The following KCNQ3 variants were observed in gnomAD, a reference collection of about 807,000 sequenced individuals.
KCNQ3 encodes potassium voltage-gated channel subfamily KQT member 3.
A neutral mutation model predicts 92.5 loss-of-function variants in KCNQ3; 30 were observed. That is an observed-to-expected ratio of 0.32 (90% CI 0.24 to 0.44). The LOEUF is 0.44. KCNQ3 is among the 20% of genes least tolerant of loss of function. The pLI is 1.00. For synonymous variants in KCNQ3, 450 were observed against 468.8 expected (o/e 0.96, Z 0.52); for missense variants, 913 against 1,140.3 (o/e 0.80, Z 2.87).
intron 1 of KCNQ3, among the ~76,000 whole-genome samples, chr8:132,289,680 G>A (rs1816786027): frequency 6.6e-6 from 1 of 152,130 alleles, no homozygotes; most frequent in South Asian, 2.1e-4. Flanking sequence ...TAAAGACATG[G>A]ATTTTGTTTG....
chr8:132,321,440 CA>C (rs1454149478), intron 1 of KCNQ3: 2 of 152,674 alleles, frequency 1.3e-5, no homozygotes, highest in Non-Finnish European at 2.9e-5. Context: ...ACACGGAATA[CA>C]TACCTGAAAC....
chr8:132,236,141 G>A (rs1172288477), intron 1 of KCNQ3, among the ~76,000 whole-genome samples: 2 of 152,184 alleles, frequency 1.3e-5, no homozygotes, highest in Non-Finnish European at 2.9e-5. Flanking sequence ...AGAGTGGAGA[G>A]CTATCTATTC....
chr8:132,174,901 C>A (rs975524815), intron 5 of KCNQ3, among the ~76,000 whole-genome samples: 10 of 152,222 alleles, frequency 6.6e-5, no homozygotes, highest in African/African-American at 2.4e-4. Flanking sequence ...AGGTTAGCCA[C>A]TTACTGGCTG....
chr8:132,140,242 T>C, intron 10 of KCNQ3, 64 bp from the exon 11 acceptor site: 1 of 1,200,934 alleles, frequency 8.3e-7, no homozygotes, highest in Non-Finnish European at 1.2e-6. Flanking sequence ...GGGACCCCAC[T>C]GTTCGGTCAA....
chr8:132,443,372 A>G (rs1256383818), intron 1 of KCNQ3, among the ~76,000 whole-genome samples: 1 of 131,018 alleles, frequency 7.6e-6, no homozygotes, highest in Non-Finnish European at 1.7e-5. Context: ...AAGTACAGAA[A>G]ATTGCTTCTT....
intron 1 of KCNQ3, among the ~76,000 whole-genome samples, chr8:132,296,238 C>G (rs16904651): frequency 6.6e-6 from 1 of 152,070 alleles, no homozygotes; most frequent in African/African-American, 2.4e-5. Flanking sequence ...TGCCTTAGGG[C>G]GGCTTTTCAG....
intron 9 of KCNQ3, among the ~76,000 whole-genome samples, chr8:132,158,118 T>C (rs1486945217): frequency 6.6e-6 from 1 of 152,188 alleles, no homozygotes; most frequent in Admixed American, 6.5e-5. Flanking sequence ...TCTGCATCTG[T>C]TACTCTGCAG....
intron 1 of KCNQ3, among the ~76,000 whole-genome samples, chr8:132,396,817 G>A (rs575359040): frequency 1.1e-4 from 17 of 152,256 alleles, no homozygotes; most frequent in East Asian, 3.9e-4. Context: ...AGCAGAGAAC[G>A]TTCTTAGAAG....
intron 1 of KCNQ3, among the ~76,000 whole-genome samples, chr8:132,311,058 T>A (rs1817579430): frequency 6.6e-6 from 1 of 151,722 alleles, no homozygotes; most frequent in Non-Finnish European, 1.5e-5. Flanking sequence ...TGTCACAGCC[T>A]CCCCAGTAGC....
At chr8:132,329,853 C>G (rs888897398) in intron 1 of KCNQ3, among the ~76,000 whole-genome samples, 4 of 152,158 alleles carry the variant, frequency 2.6e-5, no homozygotes, top group African/African-American at 9.7e-5. Flanking sequence ...GCAAGGTGTG[C>G]CCTCGCAACT....
chr8:132,136,837 T>C (rs1477015702), intron 12 of KCNQ3, among the ~76,000 whole-genome samples: 1 of 151,534 alleles, frequency 6.6e-6, no homozygotes, highest in African/African-American at 2.4e-5. Context: ...ATACTTTTTC[T>C]AAATATTATT....
chr8:132,282,936 C>CGA (rs570816005), intron 1 of KCNQ3, among the ~76,000 whole-genome samples: 3 of 151,884 alleles, frequency 2.0e-5, no homozygotes, highest in Non-Finnish European at 4.4e-5. Flanking sequence ...AGCCAGGATA[C>CGA]GAGAGAGTGA....
rs114970025 is a variant in KCNQ3 at position 132,371,855 on chromosome 8, C to G, written c.386+108292G>C. On this transcript the variant is annotated intron_variant, in intron 1 of 14. Coordinates refer to ENST00000388996, the MANE Select transcript of KCNQ3 (RefSeq NM_004519.4). The stretch of plus-strand genomic sequence containing the variant: ...TGTTTCTTCAATCTCCCTCCGCACA[C>G]AGCAAACACATTATGCCACTGCCCT... Among the ~76,000 whole-genome samples the G allele has an allele frequency of 1.9e-3, 285 of 152,364 alleles. 1 individual carries two copies. Among genetic ancestry groups the G allele is most frequent in the African/African-American group, 6.5e-3 (269 of 41,586 alleles).
intron 1 of KCNQ3, among the ~76,000 whole-genome samples, chr8:132,319,805 A>T (rs1817848633): frequency 6.6e-6 from 1 of 152,164 alleles, no homozygotes; most frequent in Non-Finnish European, 1.5e-5. Flanking sequence ...GATTTATCTC[A>T]ACATGTACAG....
chr8:132,457,371 T>A (rs1251631222), intron 1 of KCNQ3, among the ~76,000 whole-genome samples: 1 of 152,166 alleles, frequency 6.6e-6, no homozygotes, highest in East Asian at 1.9e-4. Context: ...CAGTAACTCC[T>A]CGGTTAAGAA....
chr8:132,240,814 C>T (rs1470441029), intron 1 of KCNQ3, among the ~76,000 whole-genome samples: 1 of 152,198 alleles, frequency 6.6e-6, no homozygotes, highest in South Asian at 2.1e-4. Context: ...GTCTATTATG[C>T]ACCTGGCATT....
intron 1 of KCNQ3, among the ~76,000 whole-genome samples, chr8:132,369,591 A>T (rs935008364): frequency 6.9e-6 from 1 of 144,132 alleles, no homozygotes. Context: ...ACACACACAC[A>T]CACACACACA....
Position 132,186,126 on chromosome 8 carries a change from A to G in KCNQ3, c.442T>C (p.Tyr148His). Residue 148 changes from tyrosine (Y) to histidine (H), a missense_variant, in exon 2 of 15, where the codon TAT becomes CAT. Coordinates refer to ENST00000388996, the MANE Select transcript of KCNQ3 (RefSeq NM_004519.4). Reference sequence around the variant, plus strand: ...AGCCAGTCTCCCGAGACAGTCTCATACTCCTTGAATGTGGTCAGGACAGCC... The same window carrying G: ...AGCCAGTCTCCCGAGACAGTCTCATGCTCCTTGAATGTGGTCAGGACAGCC... ...ILAVLTTFKE[Y>H]ETVSGDWLLL... 6.2e-7 allele frequency: 1 copy of G among 1,613,842 alleles called. No homozygotes were observed. The highest frequency in any genetic ancestry group is 8.5e-7 in the Non-Finnish European group (1 of 1,179,816).
intron 1 of KCNQ3, among the ~76,000 whole-genome samples, chr8:132,327,141 T>C (rs772379768): frequency 6.6e-6 from 1 of 152,224 alleles, no homozygotes; most frequent in Non-Finnish European, 1.5e-5. Context: ...AGGCAGGTGC[T>C]GAAAAATCAG....
Sources: allele counts gnomAD v4.1 joint callset (sites outside exome capture counted in the v4.1 genomes callset), GRCh38; gene constraint gnomAD v4.1.1; transcripts MANE v1.5; gene names NCBI Gene and HGNC (gene_info 2026-07-23, HGNC 2026-07-21).